CCDC33: variants seen among roughly 807,000 people sequenced by gnomAD.
The protein encoded by CCDC33 is coiled-coil domain-containing protein 33.
A neutral mutation model predicts 91.9 loss-of-function variants in CCDC33; 94 were observed. The observed-to-expected ratio is 1.02, with a 90% CI of 0.87 to 1.21. The LOEUF is 1.21. Ranked by LOEUF, CCDC33 falls within the 50% of genes most tolerant of loss-of-function variation. The pLI, the probability that CCDC33 is intolerant of heterozygous loss-of-function variation, is 0.00. For missense variants in CCDC33, 940 were observed against 935.5 expected (o/e 1.00, Z -0.06); for synonymous variants, 396 against 374.5 (o/e 1.06, Z -0.66).
rs1414036726 is a variant in CCDC33 at position 74,236,828 on chromosome 15, A to G, written c.21+88A>G. 4 of 1,329,908 alleles carry G rather than the reference A, an allele frequency of 3.0e-6. No individual in the cohort carries two copies. The East Asian group carries it at 9.5e-5, about 31-fold the overall frequency. 82.4% of individuals were successfully genotyped at this position (1,329,908 alleles called of 1,614,324 possible). A position where few individuals can be genotyped will look rare whatever the true frequency, so the allele number is the denominator to read the frequency against. ...TCAAAGTTTTGTTTGCTCCTTAATC[A>G]TGACAAAAGCTTCCCTTCCCTGGGT... is the stretch of plus-strand genomic sequence containing the variant. On this transcript the variant is annotated intron_variant, in intron 1 of 18. Transcript: ENST00000398814.
At position 74,268,362 on chromosome 15, in the gene CCDC33, C is replaced by T. The variant is rs202101418; in HGVS notation, c.450C>T (p.Ala150=). The T allele has an allele frequency of 4.7e-5, 76 of 1,613,726 alleles. No homozygotes were observed. The East Asian group carries it at 1.1e-3, about 23-fold the overall frequency. The change falls in exon 5 of 19, where the codon GCC becomes GCT. Residue 150 remains alanine (A), a synonymous_variant. Coordinates refer to ENST00000398814, the MANE Select transcript of CCDC33 (RefSeq NM_025055.5). ...TCCAGCCCACTGAGTCTGGGAAAGCCGATGAAGCCACTGCCAAGACCCAGT... is the reference window on the plus strand; with the variant it reads ...TCCAGCCCACTGAGTCTGGGAAAGCTGATGAAGCCACTGCCAAGACCCAGT... ...ELVKPTESGK[A]DEATAKTQLY...
At chr15:74,238,938 T>A (rs1211662398) in intron 1 of CCDC33, among the ~76,000 whole-genome samples, 1 of 152,230 alleles carries the variant, frequency 6.6e-6, no homozygotes, top group East Asian at 1.9e-4. Flanking sequence ...TTACTTTCTC[T>A]GAGTGTGCTT....
intron 11 of CCDC33, among the ~76,000 whole-genome samples, chr15:74,322,230 C>A (rs1436413277): frequency 6.6e-6 from 1 of 152,204 alleles, no homozygotes; most frequent in Non-Finnish European, 1.5e-5. Flanking sequence ...TATCACATCT[C>A]ATAGCTTTGT....
chr15:74,222,810 G>A (rs902597553), intron 2 of CCDC33, among the ~76,000 whole-genome samples: 2 of 30,554 alleles, frequency 6.5e-5, no homozygotes, highest in African/African-American at 2.5e-4. Context: ...GACCCCCGCC[G>A]CCTGCATGTC....
intron 7 of CCDC33, among the ~76,000 whole-genome samples, chr15:74,279,096 G>A (rs74023463): frequency 0.026 from 4,015 of 152,298 alleles, 182 homozygotes; most frequent in African/African-American, 0.092. Context: ...TACCAATAAT[G>A]AATGAGGTGT....
chr15:74,279,175 G>T (rs938965375), intron 7 of CCDC33, among the ~76,000 whole-genome samples: 1 of 152,192 alleles, frequency 6.6e-6, no homozygotes, highest in Non-Finnish European at 1.5e-5. Flanking sequence ...AGTAATTTGC[G>T]ACATGAAGAT....
intron 15 of CCDC33, 80 bp downstream of exon 15, chr15:74,331,376 C>T: frequency 6.9e-7 from 1 of 1,443,854 alleles, no homozygotes; most frequent in Non-Finnish European, 9.6e-7. Context: ...AGCCTCTCAG[C>T]TTCAGGAGAA....
intron 10 of CCDC33, among the ~76,000 whole-genome samples, chr15:74,295,098 T>C (rs900757384): frequency 2.0e-5 from 3 of 152,040 alleles, no homozygotes; most frequent in African/African-American, 7.3e-5. Flanking sequence ...TAGCAAAGGG[T>C]GTCAAAAGAG....
intron 1 of CCDC33, among the ~76,000 whole-genome samples, chr15:74,243,512 G>A (rs888437023): frequency 6.6e-6 from 1 of 152,228 alleles, no homozygotes; most frequent in Non-Finnish European, 1.5e-5. Flanking sequence ...TGAGAGAGAC[G>A]TGGGATGGGG....
intron 11 of CCDC33, among the ~76,000 whole-genome samples, chr15:74,326,127 C>T (rs925371129): frequency 5.3e-5 from 8 of 152,256 alleles, no homozygotes; most frequent in Middle Eastern, 3.4e-3. Context: ...GAGTTCAAGA[C>T]CAGCCTGGGC....
At chr15:74,293,480 CT>C (rs2059622451) in intron 10 of CCDC33, among the ~76,000 whole-genome samples, 2 of 152,230 alleles carry the variant, frequency 1.3e-5, no homozygotes, top group Non-Finnish European at 2.9e-5. Flanking sequence ...TGCAGTCAAT[CT>C]AGTGTTCAGC....
chr15:74,280,565 G>T, intron 8 of CCDC33, 103 bp from the exon 9 acceptor site: 1 of 1,348,568 alleles, frequency 7.4e-7, no homozygotes, highest in South Asian at 1.8e-5. Flanking sequence ...CCAGGAGGCA[G>T]GAAAGCAGGC....
chr15:74,215,874 C>A (rs144523136), upstream of CCDC33, among the ~76,000 whole-genome samples: 2,278 of 27,270 alleles, frequency 0.084, 29 homozygotes, highest in Middle Eastern at 0.26. Flanking sequence ...TCGATCTCAC[C>A]AAAAAAAAAA....
chr15:74,287,120 G>A (rs1176346077), intron 10 of CCDC33, among the ~76,000 whole-genome samples: 1 of 152,186 alleles, frequency 6.6e-6, no homozygotes, highest in East Asian at 1.9e-4. Context: ...TGACACCCCT[G>A]AGATGGTCCT....
chr15:74,254,330 C>T (rs1040409617), intron 2 of CCDC33, among the ~76,000 whole-genome samples: 5 of 152,028 alleles, frequency 3.3e-5, no homozygotes, highest in Non-Finnish European at 5.9e-5. Context: ...TGCGCCCGGA[C>T]GCCTCTCTCA....
chr15:74,280,781 G>A lies in CCDC33; in HGVS notation c.1003G>A (p.Val335Met), dbSNP rs747416037. The change falls in exon 9 of 19, where the codon GTG becomes ATG. Residue 335 changes from valine to methionine, a missense_variant. Physicochemically the swap from Val to Met is conservative, Grantham distance 21. Transcript: ENST00000398814. ...AGGGAAAGGCTTGGACGGGCTTCAC[G>A]TGGAGCGGCTCCCCATCATGGTGAG... ...LTGKGLDGLH[V>M]ERLPIMDTSL... 9.7e-6 allele frequency: 15 copies of A among 1,550,814 alleles called. No individual in the cohort carries two copies. The highest frequency in any genetic ancestry group is 2.4e-5 in the South Asian group (2 of 81,694).
intron 2 of CCDC33, among the ~76,000 whole-genome samples, chr15:74,229,247 CT>C (rs879367517): frequency 1.3e-5 from 2 of 152,184 alleles, no homozygotes; most frequent in Non-Finnish European, 2.9e-5. Flanking sequence ...AATCCCAGCA[CT>C]TTGGGAGACC....
chr15:74,330,865 A>G, intron 13 of CCDC33, 114 bp downstream of exon 13: 1 of 1,511,568 alleles, frequency 6.6e-7, no homozygotes, highest in Non-Finnish European at 9.0e-7. Context: ...GAAGCACGGA[A>G]GAAAGGGGGA....
rs74023460 is a variant in CCDC33, at chr15:74,265,559, T to C, written c.320-1119T>C. Among the ~76,000 whole-genome samples the C allele has an allele frequency of 9.7e-3, 1,473 of 152,332 alleles. 19 individuals are homozygous for C. The highest frequency in any genetic ancestry group is 0.033 in the African/African-American group (1,389 of 41,568). The stretch of plus-strand genomic sequence containing the variant: ...ATAACCCTCTGAGCTCCATTGTTCA[T>C]ATTTTAAGAACAGAGATGATGATAC... On this transcript the variant is annotated intron_variant, in intron 3 of 18. Coordinates refer to ENST00000398814, the MANE Select transcript of CCDC33 (RefSeq NM_025055.5).
Sources: allele counts gnomAD v4.1 joint callset (sites outside exome capture counted in the v4.1 genomes callset), GRCh38; gene constraint gnomAD v4.1.1; transcripts MANE v1.5; gene names NCBI Gene and HGNC (gene_info 2026-07-23, HGNC 2026-07-21).